The following NXPE2 variants were observed in gnomAD, a reference collection of about 807,000 sequenced individuals.
NXPE2 encodes neurexophilin and PC-esterase domain family member 2.
NXPE2 carries 34 observed loss-of-function variants against 34.4 expected under a neutral mutation model. The observed-to-expected ratio is 0.99, with a 90% CI of 0.75 to 1.31. The LOEUF is 1.31. Ranked by LOEUF, NXPE2 falls within the 40% of genes most tolerant of loss-of-function variation. The probability of loss-of-function intolerance (pLI) is 0.00; values close to 1 mark genes in which losing one functional copy is unlikely to be tolerated. For missense variants in NXPE2, 649 were observed against 672.5 expected (o/e 0.97, Z 0.39); for synonymous variants, 235 against 231.3 (o/e 1.02, Z -0.15).
At chr11:114,557,674 A>ATAT in the NXPE2 span, among the ~76,000 whole-genome samples, 6 of 129,364 alleles carry the variant, frequency 4.6e-5, no homozygotes, top group African/African-American at 8.4e-5. Context: ...TATATATATA[A>ATAT]AATCCTTGTT....
the NXPE2 span, among the ~76,000 whole-genome samples, chr11:114,537,530 C>G: frequency 1.3e-5 from 2 of 152,158 alleles, no homozygotes; most frequent in Non-Finnish European, 2.9e-5. Context: ...ATCTAGAAAA[C>G]CCCATTGTCT....
At chr11:114,581,266 C>T in the NXPE2 span, among the ~76,000 whole-genome samples, 2 of 152,018 alleles carry the variant, frequency 1.3e-5, no homozygotes, top group African/African-American at 2.4e-5. Context: ...ATTTTTTATG[C>T]TAACAATTGT....
At chr11:114,659,603 A>G in the NXPE2 span, among the ~76,000 whole-genome samples, 25 of 152,270 alleles carry the variant, frequency 1.6e-4, no homozygotes, top group East Asian at 4.6e-3. Flanking sequence ...AGTCACAAGA[A>G]TACTAGAAAA....
chr11:114,552,767 T>G, the NXPE2 span: 1 of 452,206 alleles, frequency 2.2e-6, no homozygotes, highest in Non-Finnish European at 2.9e-6. Context: ...AAAGTATGAT[T>G]GCTATTGCAC....
chr11:114,554,245 C>G, the NXPE2 span: 23 of 976,442 alleles, frequency 2.4e-5, no homozygotes, highest in Non-Finnish European at 2.8e-5. Flanking sequence ...TTCCTGGCCT[C>G]TATTGTATTT....
chr11:114,540,082 A>T, the NXPE2 span, among the ~76,000 whole-genome samples: 1 of 152,218 alleles, frequency 6.6e-6, no homozygotes, highest in Non-Finnish European at 1.5e-5. Flanking sequence ...CAGCCGCCTG[A>T]ATAGCTGGGA....
the NXPE2 span, among the ~76,000 whole-genome samples, chr11:114,509,494 C>G: frequency 6.6e-6 from 1 of 152,134 alleles, no homozygotes; most frequent in Non-Finnish European, 1.5e-5. Context: ...TGACACTACT[C>G]ACAATAGCAA....
chr11:114,599,764 G>A, the NXPE2 span, among the ~76,000 whole-genome samples: 1 of 152,080 alleles, frequency 6.6e-6, no homozygotes, highest in Non-Finnish European at 1.5e-5. Context: ...TCACTATACA[G>A]TACCAGTGGG....
the NXPE2 span, among the ~76,000 whole-genome samples, chr11:114,806,663 C>A: frequency 1.3e-5 from 2 of 151,748 alleles, no homozygotes; most frequent in African/African-American, 4.8e-5. Flanking sequence ...ATAAAAAGAA[C>A]AAAGCCTCCA....
chr11:114,498,887 A>G, the NXPE2 span, among the ~76,000 whole-genome samples: 1 of 151,952 alleles, frequency 6.6e-6, no homozygotes, highest in Non-Finnish European at 1.5e-5. Flanking sequence ...GTATTAGAGT[A>G]TTGGTGGTTT....
chr11:114,634,922 GC>G, the NXPE2 span, among the ~76,000 whole-genome samples: 1 of 151,860 alleles, frequency 6.6e-6, no homozygotes, highest in Non-Finnish European at 1.5e-5. Context: ...TGTTCTTTTG[GC>G]TTAGGATGAA....
chr11:114,541,736 A>G, the NXPE2 span, among the ~76,000 whole-genome samples: 2 of 152,346 alleles, frequency 1.3e-5, no homozygotes, highest in East Asian at 3.9e-4. Flanking sequence ...TTGAGTTTGT[A>G]TAAAGACCTG....
the NXPE2 span, among the ~76,000 whole-genome samples, chr11:114,503,307 A>T: frequency 6.6e-6 from 1 of 152,204 alleles, no homozygotes; most frequent in African/African-American, 2.4e-5. Context: ...CAGGTATTTG[A>T]TAAACATTTC....
the NXPE2 span, among the ~76,000 whole-genome samples, chr11:114,596,322 C>T: frequency 2.6e-5 from 4 of 152,288 alleles, no homozygotes; most frequent in South Asian, 8.3e-4. Flanking sequence ...GAAAACAGTG[C>T]TGGAAAGAGC....
the NXPE2 span, among the ~76,000 whole-genome samples, chr11:114,542,199 A>G: frequency 6.6e-6 from 1 of 152,132 alleles, no homozygotes; most frequent in Non-Finnish European, 1.5e-5. Flanking sequence ...TTACTTTTTA[A>G]CATCAATATT....
the NXPE2 span, among the ~76,000 whole-genome samples, chr11:114,531,111 A>T: frequency 6.6e-5 from 10 of 151,546 alleles, no homozygotes; most frequent in African/African-American, 2.4e-4. Flanking sequence ...TGATGATATA[A>T]TATTATTATA....
At chr11:114,661,885 T>G in the NXPE2 span, among the ~76,000 whole-genome samples, 9 of 152,150 alleles carry the variant, frequency 5.9e-5, no homozygotes, top group Non-Finnish European at 1.2e-4. Flanking sequence ...ATATGGTCAA[T>G]GGGTTTTTGA....
chr11:114,509,359 G>A, the NXPE2 span, among the ~76,000 whole-genome samples: 4 of 152,234 alleles, frequency 2.6e-5, no homozygotes, highest in African/African-American at 9.6e-5. Flanking sequence ...GGAAGACAGT[G>A]TGACAATTCC....
At chr11:114,798,724 A>G in the NXPE2 span, among the ~76,000 whole-genome samples, 2 of 152,204 alleles carry the variant, frequency 1.3e-5, no homozygotes, top group African/African-American at 2.4e-5. Context: ...TTCATAGTTA[A>G]TAAACCATAT....
Sources: gnomAD v4.1 joint callset for allele counts (sites outside exome capture counted in the v4.1 genomes callset) on GRCh38, gnomAD v4.1.1 for gene constraint, MANE v1.5 for transcripts, NCBI Gene and HGNC (gene_info 2026-07-23, HGNC 2026-07-21) for gene names.